Variants in ACAD11 observed in about 807,000 individuals in gnomAD.
The protein encoded by ACAD11 is acyl-Coenzyme A dehydrogenase family, member 11.
Under a neutral mutation model 102.2 loss-of-function variants are expected in ACAD11, and 83 were observed. The observed-to-expected ratio is 0.81, with a 90% confidence interval of 0.68 to 0.97. ACAD11 has a LOEUF of 0.97. ACAD11 is among the 50% of genes least tolerant of loss of function. ACAD11 has a pLI of 0.00. For synonymous variants in ACAD11, 324 were observed against 319.8 expected (o/e 1.01, Z -0.14); for missense variants, 901 against 951.7 (o/e 0.95, Z 0.70).
rs1576631621 is a variant in ACAD11, at chr3:132,657,401, G to A, written c.149+2202C>T. Among the ~76,000 whole-genome samples, 9 of 152,188 alleles carry A rather than the reference G, an allele frequency of 5.9e-5. 2 individuals carry two copies. Among genetic ancestry groups the A allele is most frequent in the Admixed American group, 5.9e-4 (9 of 15,294 alleles). ...TCCCACCTTGTGGTTCTTTAAAAAT[G>A]TTTCTGCTATCCTTAGCCCTTCGCT... On this transcript the variant is annotated intron_variant, in intron 1 of 19. Coordinates refer to ENST00000264990, the MANE Select transcript of ACAD11 (RefSeq NM_032169.5).
chr3:132,580,716 A>G (rs1463513924), intron 13 of ACAD11, among the ~76,000 whole-genome samples: 1 of 152,044 alleles, frequency 6.6e-6, no homozygotes, highest in Non-Finnish European at 1.5e-5. Flanking sequence ...TGGGAAAGAA[A>G]TGACATGATG....
At chr3:132,630,212 T>C (rs924019853) in intron 7 of ACAD11, among the ~76,000 whole-genome samples, 7 of 152,212 alleles carry the variant, frequency 4.6e-5, no homozygotes, top group African/African-American at 1.7e-4. Context: ...TCTTGTAAGT[T>C]TATTATACAA....
chr3:132,586,004 G>A lies in ACAD11; in HGVS notation c.1622-6446C>T, dbSNP rs565016355. Among the ~76,000 whole-genome samples the A allele has an allele frequency of 1.7e-4, 26 of 152,180 alleles. 2 individuals carry two copies. In the East Asian group the frequency reaches 3.1e-3, roughly 18 times the overall value. ...TCCCATTACTGGGTATATACCCAAA[G>A]GATTATAAATCATGCTGCTATAAAG... On this transcript the variant is annotated intron_variant, in intron 13 of 19. Transcript: ENST00000264990.
At chr3:132,631,508 C>A in intron 5 of ACAD11, 29 bp from the exon 6 acceptor site, 2 of 1,389,506 alleles carry the variant, frequency 1.4e-6, no homozygotes, top group Admixed American at 2.7e-5. Context: ...AGGTCTGTAA[C>A]ACATTAAAAC....
At chr3:132,626,920 A>G in intron 8 of ACAD11, 103 bp from the exon 9 acceptor site, 1 of 1,134,586 alleles carries the variant, frequency 8.8e-7, no homozygotes, top group Non-Finnish European at 1.2e-6. Flanking sequence ...CCCAAAAAAC[A>G]TCCCCCAGAA....
chr3:132,628,290 A>G, intron 8 of ACAD11, 50 bp downstream of exon 8: 3 of 1,322,018 alleles, frequency 2.3e-6, no homozygotes, highest in Non-Finnish European at 3.2e-6. Context: ...ACCTTCACAT[A>G]CCCAATAAAG....
Position 132,578,831 on chromosome 3 carries a change from T to G in ACAD11, c.1739A>C (p.Lys580Thr). 1 of 1,613,104 alleles carries G rather than the reference T, an allele frequency of 6.2e-7. No individual in the cohort carries two copies. The highest frequency in any genetic ancestry group is 8.5e-7 in the Non-Finnish European group (1 of 1,179,502). The change falls in exon 15 of 20, where the codon AAA becomes ACA. Residue 580 changes from lysine (K) to threonine (T), a missense_variant. Transcript: ENST00000264990. ...ILVPMNTPGV[K>T]IIRPLSVFGY... is the part of the protein sequence containing the mutation. ...AAAAACTGACAAAGGCCTTATTATT[T>G]TTACTCCAGGTGTGTTCATGGGAAC...
intron 17 of ACAD11, among the ~76,000 whole-genome samples, chr3:132,568,651 C>T (rs1330833131): frequency 1.3e-5 from 2 of 151,928 alleles, no homozygotes; most frequent in Non-Finnish European, 2.9e-5. Flanking sequence ...CAGAGACTGA[C>T]GCATAGATAA....
chr3:132,631,470 T>C lies in ACAD11; in HGVS notation c.712A>G (p.Ile238Val). The C allele has an allele frequency of 2.0e-6, 3 of 1,492,778 alleles. No homozygotes were observed. Among genetic ancestry groups the C allele is most frequent in the Non-Finnish European group, 2.7e-6 (3 of 1,118,720 alleles). The allele number at this position is 1,492,778 out of a possible 1,614,324, so 92.5% of individuals were successfully genotyped here. ...IVFHPKECRVIAVLDWELSTI... is the reference protein window; with the variant it reads ...IVFHPKECRVVAVLDWELSTI... ...GACAGCTCCCAATCCAGCACTGCTA[T>C]AACTCGACACTGTAATTAAAAATAA... The change falls in exon 6 of 20, where the codon ATA (isoleucine) becomes GTA (valine). Residue 238 changes from isoleucine (I) to valine (V), a missense_variant. Transcript: ENST00000264990.
At chr3:132,627,038 G>T in intron 8 of ACAD11, 1 of 403,998 alleles carries the variant, frequency 2.5e-6, no homozygotes, top group South Asian at 3.3e-5. Context: ...ACTATTTGGG[G>T]AAAACATATA....
intron 16 of ACAD11, among the ~76,000 whole-genome samples, chr3:132,576,258 A>G (rs1937523048): frequency 6.6e-6 from 1 of 152,212 alleles, no homozygotes; most frequent in Admixed American, 6.5e-5. Context: ...AAGAGTGGGT[A>G]AGGGTAAGAG....
chr3:132,630,635 G>A (rs1241958673), intron 6 of ACAD11, 77 bp from the exon 7 acceptor site: 6 of 1,316,506 alleles, frequency 4.6e-6, no homozygotes, highest in South Asian at 1.5e-5. Context: ...AGACTGAGAC[G>A]CATATGTAAA....
chr3:132,561,346 T>C (rs1576541709), intron 17 of ACAD11, 129 bp from the exon 18 acceptor site: 1 of 728,862 alleles, frequency 1.4e-6, no homozygotes, highest in Non-Finnish European at 2.4e-6. Flanking sequence ...CTTTACTCTA[T>C]GTATTTTTAA....
intron 17 of ACAD11, among the ~76,000 whole-genome samples, chr3:132,565,889 G>A (rs564748964): frequency 1.8e-4 from 28 of 152,246 alleles, no homozygotes; most frequent in African/African-American, 6.5e-4. Context: ...ATTGGCATTA[G>A]GCTTGTACAG....
intron 13 of ACAD11, among the ~76,000 whole-genome samples, chr3:132,591,493 T>C (rs1169743882): frequency 6.6e-6 from 1 of 152,158 alleles, no homozygotes; most frequent in Non-Finnish European, 1.5e-5. Flanking sequence ...ATCTTCTAAT[T>C]CCTTTGAACC....
chr3:132,564,228 G>A (rs1028231067), intron 17 of ACAD11, among the ~76,000 whole-genome samples: 1 of 152,060 alleles, frequency 6.6e-6, no homozygotes, highest in Non-Finnish European at 1.5e-5. Flanking sequence ...ATCTATATTG[G>A]TCTATGGTTT....
chr3:132,628,766 A>G (rs1297429723), intron 7 of ACAD11, among the ~76,000 whole-genome samples: 3 of 152,222 alleles, frequency 2.0e-5, no homozygotes, highest in African/African-American at 7.2e-5. Flanking sequence ...ACCCTCCTTC[A>G]TAATGGGGGA....
chr3:132,617,186 T>C (rs2107844988), intron 11 of ACAD11, among the ~76,000 whole-genome samples: 1 of 152,274 alleles, frequency 6.6e-6, no homozygotes, highest in Middle Eastern at 3.4e-3. Context: ...AGTCCTTGAC[T>C]GGTAGCATTA....
chr3:132,629,581 T>C (rs1355791011), intron 7 of ACAD11, among the ~76,000 whole-genome samples: 3 of 152,340 alleles, frequency 2.0e-5, no homozygotes, highest in Admixed American at 2.0e-4. Context: ...CACAGAGACA[T>C]ACCCATTTTG....
Sources: allele counts gnomAD v4.1 joint callset (sites outside exome capture counted in the v4.1 genomes callset), GRCh38; gene constraint gnomAD v4.1.1; transcripts MANE v1.5; gene names NCBI Gene and HGNC (gene_info 2026-07-23, HGNC 2026-07-21).